Variants in TCERG1L observed in about 807,000 individuals in gnomAD.
TCERG1L encodes the protein transcription elongation regulator 1 like, also known as transcription elongation regulator 1-like protein.
Under a neutral mutation model 56.3 loss-of-function variants are expected in TCERG1L, and 37 were observed. The observed-to-expected ratio is 0.66, with a 90% CI of 0.51 to 0.87. The LOEUF (loss-of-function observed/expected upper bound fraction) is 0.87, where lower values mean the gene tolerates loss of function less well. Ranked by LOEUF, TCERG1L falls within the 40% of genes least tolerant of loss-of-function variation. TCERG1L has a pLI of 0.00. For synonymous variants in TCERG1L, 324 were observed against 326.3 expected, an observed-to-expected ratio of 0.99 and a Z score of 0.08; for missense variants, 799 against 774.2, an observed-to-expected ratio of 1.03 and a Z score of -0.38.
At chr10:131,259,155 GACC>G (rs755807084) in intron 4 of TCERG1L, among the ~76,000 whole-genome samples, 282 of 152,254 alleles carry the variant, frequency 1.9e-3, no homozygotes, top group Non-Finnish European at 2.1e-3. Flanking sequence ...TGTTGAAAAA[GACC>G]ACATTAGATT....
chr10:131,288,755 C>T (rs1167113873), intron 3 of TCERG1L, among the ~76,000 whole-genome samples: 1 of 152,068 alleles, frequency 6.6e-6, no homozygotes, highest in Admixed American at 6.5e-5. Flanking sequence ...GAAGGCGGCC[C>T]CGTGACCACG....
At chr10:131,291,444 T>TTTTTTTTTG (rs1846624965) in intron 3 of TCERG1L, among the ~76,000 whole-genome samples, 1 of 113,484 alleles carries the variant, frequency 8.8e-6, no homozygotes, top group African/African-American at 3.3e-5. Context: ...TTTTTTTTTT[T>TTTTTTTTTG]GAGACGGAGT....
intron 7 of TCERG1L, among the ~76,000 whole-genome samples, chr10:131,141,177 C>T (rs962754550): frequency 3.9e-5 from 6 of 152,168 alleles, no homozygotes; most frequent in Non-Finnish European, 5.9e-5. Flanking sequence ...GGAACCTCTC[C>T]GTGGCCACTT....
chr10:131,234,879 T>C (rs1298726023), intron 4 of TCERG1L, among the ~76,000 whole-genome samples: 1 of 152,180 alleles, frequency 6.6e-6, no homozygotes, highest in Non-Finnish European at 1.5e-5. Flanking sequence ...AATTTTTGTA[T>C]TTTTAGTAGA....
chr10:131,269,936 C>G (rs990758098), intron 3 of TCERG1L, among the ~76,000 whole-genome samples: 3 of 152,184 alleles, frequency 2.0e-5, no homozygotes, highest in Non-Finnish European at 4.4e-5. Context: ...AACCCGCAAC[C>G]CACAGAGAGC....
intron 4 of TCERG1L, among the ~76,000 whole-genome samples, chr10:131,182,604 A>G (rs1169682331): frequency 6.6e-6 from 1 of 152,200 alleles, no homozygotes; most frequent in African/African-American, 2.4e-5. Flanking sequence ...GAAGAACTGT[A>G]TGGATCCCTC....
In TCERG1L at chr10:131,114,165, T is replaced by C. The variant is rs1372719794; in HGVS notation, c.1395+2634A>G. Among the ~76,000 whole-genome samples the C allele has an allele frequency of 3.5e-5, 5 of 142,088 alleles. 1 individual carries two copies. Among genetic ancestry groups the C allele is most frequent in the Non-Finnish European group, 7.9e-5 (5 of 63,348 alleles). 93.2% of individuals were successfully genotyped at this position (142,088 alleles called of 152,430 possible). ...GGTCCGTCCTTCATCACTCCACAAG[T>C]ACATGAATTTCTGAACGGAAGTATT... On this transcript the variant is annotated intron_variant, in intron 9 of 11. Transcript: ENST00000368642.
At chr10:131,241,323 C>T (rs1310065482) in intron 4 of TCERG1L, among the ~76,000 whole-genome samples, 1 of 152,082 alleles carries the variant, frequency 6.6e-6, no homozygotes, top group Non-Finnish European at 1.5e-5. Context: ...GTCAAAGAGG[C>T]AAACACAGGA....
intron 9 of TCERG1L, among the ~76,000 whole-genome samples, chr10:131,113,560 C>T (rs1845429334): frequency 7.0e-6 from 1 of 142,462 alleles, no homozygotes; most frequent in African/African-American, 2.5e-5. Context: ...CATCTTAGCA[C>T]AAGGAGAAAT....
intron 11 of TCERG1L, among the ~76,000 whole-genome samples, chr10:131,094,609 G>GCGCTTCT (rs946495981): frequency 1.3e-5 from 2 of 152,056 alleles, no homozygotes; most frequent in African/African-American, 4.8e-5. Flanking sequence ...CGCAAGAAAA[G>GCGCTTCT]CGCTTCTCTC....
chr10:131,231,777 C>CA (rs1289695401), intron 4 of TCERG1L, among the ~76,000 whole-genome samples: 7 of 151,696 alleles, frequency 4.6e-5, no homozygotes, highest in Non-Finnish European at 1.0e-4. Flanking sequence ...TTCCACTTAG[C>CA]AAAAAAAAGA....
chr10:131,297,838 T>C (rs994356806), intron 3 of TCERG1L, among the ~76,000 whole-genome samples: 1 of 152,164 alleles, frequency 6.6e-6, no homozygotes, highest in African/African-American at 2.4e-5. Flanking sequence ...ATCTAAGCTG[T>C]TGCATTTATG....
At chr10:131,195,255 T>C (rs1374983575) in intron 4 of TCERG1L, among the ~76,000 whole-genome samples, 2 of 152,220 alleles carry the variant, frequency 1.3e-5, no homozygotes, top group African/African-American at 2.4e-5. Context: ...ACAGCTTTTA[T>C]CTGCCCATAC....
At chr10:131,122,674 T>A (rs981252496) in intron 8 of TCERG1L, among the ~76,000 whole-genome samples, 5 of 152,202 alleles carry the variant, frequency 3.3e-5, no homozygotes, top group African/African-American at 1.2e-4. Context: ...AGCATATCAC[T>A]TTCTGTGAGT....
At chr10:131,182,073 G>A (rs1845185284) in intron 4 of TCERG1L, among the ~76,000 whole-genome samples, 1 of 152,134 alleles carries the variant, frequency 6.6e-6, no homozygotes, top group Admixed American at 6.5e-5. Flanking sequence ...CTGTGTGTGT[G>A]CATGCATATG....
chr10:131,094,749 T>C (rs539615495), intron 11 of TCERG1L, among the ~76,000 whole-genome samples: 1 of 152,216 alleles, frequency 6.6e-6, no homozygotes, highest in African/African-American at 2.4e-5. Flanking sequence ...CTTCCTTCCT[T>C]TACTGATGTA....
At chr10:131,265,891 C>T (rs1322318710) in intron 3 of TCERG1L, among the ~76,000 whole-genome samples, 1 of 152,212 alleles carries the variant, frequency 6.6e-6, no homozygotes, top group African/African-American at 2.4e-5. Flanking sequence ...CAAAAGAAGA[C>T]AACAGCAACG....
chr10:131,260,489 C>A lies in TCERG1L; in HGVS notation c.671-45G>T. ...AGGGTCAGCAAGGGGACGACCAGGG[C>A]CATGGGTGACAGATGCCCATCTCGC... On this transcript the variant is annotated intron_variant, in intron 3 of 11. Transcript: ENST00000368642. This position sits in a 1 kb window ranked among gnomAD's most constrained non-coding sequence, Gnocchi z 5.8. 7.4e-7 allele frequency: 1 copy of A among 1,350,496 alleles called. No homozygotes were observed. The highest frequency in any genetic ancestry group is 9.5e-7 in the Non-Finnish European group (1 of 1,047,446). The allele number at this position is 1,350,496 out of a possible 1,614,324, so 83.7% of individuals were successfully genotyped here.
chr10:131,230,271 G>A (rs776921788), intron 4 of TCERG1L, among the ~76,000 whole-genome samples: 5 of 152,288 alleles, frequency 3.3e-5, no homozygotes, highest in Non-Finnish European at 7.3e-5. Context: ...GCTGTGAGCT[G>A]CTTGCGCGCC....
Sources: gnomAD v4.1 joint callset for allele counts (sites outside exome capture counted in the v4.1 genomes callset) on GRCh38, gnomAD v4.1.1 for gene constraint, Gnocchi (gnomAD v3.1) non-coding constraint, MANE v1.5 for transcripts, NCBI Gene and HGNC (gene_info 2026-07-23, HGNC 2026-07-21) for gene names.